Variants in SASH1 observed in about 807,000 individuals in gnomAD.
SASH1 encodes SAM and SH3 domain containing 1, also known as SAM and SH3 domain-containing protein 1.
In SASH1, 44 loss-of-function variants were observed where a neutral mutation model predicts 125.2. That is an observed-to-expected ratio of 0.35 (90% confidence interval 0.28 to 0.45). The LOEUF (loss-of-function observed/expected upper bound fraction) is 0.45. Ranked by LOEUF, SASH1 falls within the 20% of genes least tolerant of loss-of-function variation. The pLI is 1.00. For missense variants in SASH1, 1,426 were observed against 1,614.5 expected, an observed-to-expected ratio of 0.88 and a Z score of 2.00; for synonymous variants, 639 against 649.1, an observed-to-expected ratio of 0.98 and a Z score of 0.24.
chr6:148,267,737 C>T (rs1778979782), upstream of SASH1, among the ~76,000 whole-genome samples: 2 of 152,080 alleles, frequency 1.3e-5, no homozygotes, highest in East Asian at 1.9e-4. Context: ...CATTAAGAGT[C>T]AAGAAATAAA....
chr6:148,338,180 T>C (rs886344552), upstream of SASH1, among the ~76,000 whole-genome samples: 1 of 152,208 alleles, frequency 6.6e-6, no homozygotes, highest in African/African-American at 2.4e-5. Context: ...CCCACCACTT[T>C]GGGAGGCCAA....
At chr6:148,220,785 G>A in the SASH1 span, among the ~76,000 whole-genome samples, 2 of 152,066 alleles carry the variant, frequency 1.3e-5, no homozygotes, top group Non-Finnish European at 2.9e-5. Context: ...ATGGTGGCAC[G>A]CGCCTGTAGT....
chr6:148,356,121 A>G (rs995776781), intron 1 of SASH1, among the ~76,000 whole-genome samples: 3 of 132,422 alleles, frequency 2.3e-5, no homozygotes, highest in African/African-American at 2.9e-5. Context: ...GTCTTGCTCT[A>G]TCCCCCAGGC....
chr6:148,261,656 C>T, the SASH1 span, among the ~76,000 whole-genome samples: 2 of 152,236 alleles, frequency 1.3e-5, no homozygotes, highest in Admixed American at 6.5e-5. Flanking sequence ...TGCCACCAGC[C>T]CATATCTTTG....
intron 1 of SASH1, among the ~76,000 whole-genome samples, chr6:148,349,876 C>T (rs1356719559): frequency 1.3e-5 from 2 of 148,684 alleles, no homozygotes; most frequent in Admixed American, 6.7e-5. Context: ...GACGGAGTCT[C>T]GCTCTGTCGC....
chr6:148,237,684 T>C, the SASH1 span: 1 of 152,184 alleles, frequency 6.6e-6, no homozygotes, highest in African/African-American at 2.4e-5. Flanking sequence ...AGCTCACTTA[T>C]CAACTATCAA....
intron 7 of SASH1, among the ~76,000 whole-genome samples, chr6:148,486,846 T>TG (rs1778868270): frequency 6.9e-6 from 1 of 145,776 alleles, no homozygotes; most frequent in Non-Finnish European, 1.5e-5. Context: ...CGCTTGAGCC[T>TG]GGGAGGTCAA....
intron 1 of SASH1, among the ~76,000 whole-genome samples, chr6:148,291,059 T>C (rs1280862180): frequency 2.0e-5 from 3 of 151,424 alleles, no homozygotes; most frequent in Non-Finnish European, 4.4e-5. Flanking sequence ...AGTGCAGTGG[T>C]GCAAATCATG....
intron 2 of SASH1, among the ~76,000 whole-genome samples, chr6:148,420,974 T>C (rs1209090316): frequency 6.6e-6 from 1 of 151,752 alleles, no homozygotes; most frequent in Non-Finnish European, 1.5e-5. Flanking sequence ...TCCCAGCTAC[T>C]CAGGGTGGCT....
chr6:148,342,770 T>G (rs1781371597), upstream of SASH1: 1 of 152,550 alleles, frequency 6.6e-6, no homozygotes, highest in South Asian at 2.1e-4. Context: ...GCCGAGCGAA[T>G]TCCCCGCCGT....
At chr6:148,496,745 C>T (rs1011863776) in intron 8 of SASH1, among the ~76,000 whole-genome samples, 5 of 152,068 alleles carry the variant, frequency 3.3e-5, no homozygotes, top group East Asian at 1.9e-4. Flanking sequence ...TGGTGGCACA[C>T]GCCTGTAGTC....
intron 8 of SASH1, among the ~76,000 whole-genome samples, chr6:148,499,533 A>G (rs910727559): frequency 7.9e-5 from 12 of 152,260 alleles, no homozygotes; most frequent in African/African-American, 2.9e-4. Context: ...GATTAGATTA[A>G]TAGATGGCGT....
chr6:148,425,770 C>T (rs1186309440), intron 2 of SASH1, among the ~76,000 whole-genome samples: 1 of 130,538 alleles, frequency 7.7e-6, no homozygotes, highest in Non-Finnish European at 1.6e-5. Flanking sequence ...CCCCCTGTGT[C>T]CCCCAGGCTG....
intron 2 of SASH1, among the ~76,000 whole-genome samples, chr6:148,409,458 A>G (rs139761902): frequency 6.3e-4 from 96 of 152,364 alleles, no homozygotes; most frequent in African/African-American, 2.3e-3. Context: ...CATATTGCTA[A>G]GGCAAGAGAG....
At chr6:148,313,088 AC>A (rs1355127314) in intron 1 of SASH1, among the ~76,000 whole-genome samples, 1 of 152,160 alleles carries the variant, frequency 6.6e-6, no homozygotes, top group Non-Finnish European at 1.5e-5. Context: ...GAGAGGAGAG[AC>A]CAACTGAGCC....
At chr6:148,449,050 C>T (rs1013825494) in intron 4 of SASH1, among the ~76,000 whole-genome samples, 2 of 120,366 alleles carry the variant, frequency 1.7e-5, no homozygotes, top group African/African-American at 6.2e-5. Context: ...TGATAGAATA[C>T]CCGAGACTGG....
chr6:148,252,725 C>T, the SASH1 span, among the ~76,000 whole-genome samples: 11 of 152,134 alleles, frequency 7.2e-5, no homozygotes, highest in Admixed American at 6.5e-4. Flanking sequence ...GTGATCCATC[C>T]GCCTCGGCCG....
the SASH1 span, among the ~76,000 whole-genome samples, chr6:148,199,140 G>A: frequency 1.3e-5 from 2 of 152,160 alleles, no homozygotes; most frequent in African/African-American, 4.8e-5. Context: ...CCAGCACTTT[G>A]AGAGGCCAAG....
chr6:148,195,132 C>T, the SASH1 span, among the ~76,000 whole-genome samples: 2 of 152,234 alleles, frequency 1.3e-5, no homozygotes, highest in Non-Finnish European at 2.9e-5. Flanking sequence ...TTAGCAAGCA[C>T]ATCAATATAT....
Sources: gnomAD v4.1 joint callset for allele counts (sites outside exome capture counted in the v4.1 genomes callset) on GRCh38, gnomAD v4.1.1 for gene constraint, MANE v1.5 for transcripts, NCBI Gene and HGNC (gene_info 2026-07-23, HGNC 2026-07-21) for gene names.